The following BRINP2 variants were observed in gnomAD, a reference collection of about 807,000 sequenced individuals.
The protein encoded by BRINP2 is BMP/retinoic acid-inducible neural-specific protein 2.
BRINP2 carries 21 observed loss-of-function variants against 69.2 expected under a neutral mutation model. The observed-to-expected ratio is 0.30, with a 90% CI of 0.22 to 0.44. BRINP2 has a LOEUF of 0.44. Among genes scored for constraint, BRINP2 ranks in the 20% least tolerant of loss-of-function variants. BRINP2 has a pLI of 1.00. For synonymous variants in BRINP2, 380 were observed against 394.1 expected (o/e 0.96, Z 0.42); for missense variants, 877 against 986.0 (o/e 0.89, Z 1.48).
At chr1:177,219,162 G>T (rs1036710756) in intron 1 of BRINP2, among the ~76,000 whole-genome samples, 1 of 152,166 alleles carries the variant, frequency 6.6e-6, no homozygotes, top group African/African-American at 2.4e-5. Flanking sequence ...TTTGTGGTCA[G>T]CAATTCCAAA....
intron 2 of BRINP2, among the ~76,000 whole-genome samples, chr1:177,239,818 G>T (rs573556006): frequency 2.0e-4 from 30 of 152,288 alleles, no homozygotes; most frequent in African/African-American, 6.7e-4. Context: ...GCACAGATTA[G>T]GGCTGTTATA....
intron 1 of BRINP2, among the ~76,000 whole-genome samples, chr1:177,184,813 A>G (rs1648381460): frequency 2.6e-5 from 4 of 152,184 alleles, no homozygotes; most frequent in Admixed American, 2.6e-4. Context: ...GAAAGTTAAC[A>G]AGAATCTTTC....
intron 1 of BRINP2, among the ~76,000 whole-genome samples, chr1:177,221,275 T>G (rs183633317): frequency 6.6e-6 from 1 of 152,214 alleles, no homozygotes; most frequent in African/African-American, 2.4e-5. Context: ...TTTAGATTGA[T>G]GTTTGGTACA....
Position 177,280,872 on chromosome 1 carries a change from G to A in BRINP2, c.1696G>A (p.Val566Met), listed in dbSNP as rs150033962. The change falls in exon 8 of 8, where the codon GTG (valine) becomes ATG (methionine). Residue 566 changes from valine to methionine, a missense_variant. Transcript: ENST00000361539. ...SNKYKPGLVHVMLALSLQICL... is the reference protein window; with the variant it reads ...SNKYKPGLVHMMLALSLQICL... ...CAAGTACAAGCCTGGGCTGGTGCAC[G>A]TGATGTTGGCCTTGTCCTTGCAGAT... is the stretch of plus-strand genomic sequence containing the variant. 479 of 1,614,028 alleles carry A rather than the reference G, an allele frequency of 3.0e-4. No individual in the cohort carries two copies. Among genetic ancestry groups the A allele is most frequent in the Non-Finnish European group, 3.8e-4 (450 of 1,179,998 alleles).
Position 177,281,513 on chromosome 1 carries a change from C to A in BRINP2, c.2337C>A (p.Gly779=). ...KLPNPVEYET[G]KLCS is the part of the protein sequence containing the mutation. ...CAAACCCTGTGGAATATGAGACCGG[C>A]AAACTCTGTAGCTAATGGGCGGCCC... Residue 779 remains glycine, a synonymous_variant, in exon 8 of 8, where the codon GGC becomes GGA. Transcript: ENST00000361539. 1 of 1,604,682 alleles carries A rather than the reference C, an allele frequency of 6.2e-7. No individual in the cohort carries two copies. The highest frequency in any genetic ancestry group is 8.5e-7 in the Non-Finnish European group (1 of 1,178,124).
At chr1:177,277,194 A>G (rs1483847628) in intron 6 of BRINP2, among the ~76,000 whole-genome samples, 1 of 148,972 alleles carries the variant, frequency 6.7e-6, no homozygotes, top group African/African-American at 2.6e-5. Context: ...ATATAATACT[A>G]TAATTTATTA....
At chr1:177,180,395 G>C (rs183655381) in intron 1 of BRINP2, among the ~76,000 whole-genome samples, 30 of 152,290 alleles carry the variant, frequency 2.0e-4, no homozygotes, top group African/African-American at 6.7e-4. Context: ...TGTGTGGCTT[G>C]TATCAGCCTC....
At chr1:177,210,570 C>T (rs1468560905) in intron 1 of BRINP2, among the ~76,000 whole-genome samples, 1 of 151,968 alleles carries the variant, frequency 6.6e-6, no homozygotes, top group Non-Finnish European at 1.5e-5. Flanking sequence ...TGATAGCCAC[C>T]AGCCACATGT....
In BRINP2 at chr1:177,195,796, C is replaced by A. The variant is rs528944043; in HGVS notation, c.-77+24064C>A. 1.6e-4 allele frequency among the ~76,000 whole-genome samples: 24 copies of A among 152,032 alleles called. No homozygotes were observed. The East Asian group carries it at 3.7e-3, about 23-fold the overall frequency. ...GCCAAGTGGAGAAAAACGTGTGGGG[C>A]CCAAGTCATGGATGAATGGCAAAAA... On this transcript the variant is annotated intron_variant, in intron 1 of 7. Coordinates refer to ENST00000361539, the MANE Select transcript of BRINP2 (RefSeq NM_021165.4).
At chr1:177,226,517 C>T (rs1421635116) in intron 1 of BRINP2, among the ~76,000 whole-genome samples, 1 of 152,184 alleles carries the variant, frequency 6.6e-6, no homozygotes, top group Non-Finnish European at 1.5e-5. Context: ...GGAGAGCCTA[C>T]AGTTATCTTT....
chr1:177,196,437 G>T (rs1261723935), intron 1 of BRINP2, among the ~76,000 whole-genome samples: 1 of 152,094 alleles, frequency 6.6e-6, no homozygotes, highest in African/African-American at 2.4e-5. Flanking sequence ...GGCCAACATG[G>T]TGAAACCCCA....
chr1:177,232,590 G>A (rs765917106), intron 2 of BRINP2, among the ~76,000 whole-genome samples: 4 of 152,224 alleles, frequency 2.6e-5, no homozygotes, highest in South Asian at 2.1e-4. Context: ...TGGCTCATGC[G>A]CACTTGTAGG....
Position 177,273,606 on chromosome 1 carries a change from A to G in BRINP2, c.775+13A>G, listed in dbSNP as rs762198580. On this transcript the variant is annotated intron_variant, in intron 5 of 7. Coordinates refer to ENST00000361539, the MANE Select transcript of BRINP2 (RefSeq NM_021165.4). ...GTACAGTTACTTGGTAAGCAGCACT[A>G]TGATGGTTTTCATACCTTTCACACC... 5.3e-6 allele frequency: 8 copies of G among 1,517,156 alleles called. No individual in the cohort carries two copies. Among genetic ancestry groups the G allele is most frequent in the Non-Finnish European group, 6.3e-6 (7 of 1,118,150 alleles). 94.0% of individuals were successfully genotyped at this position (1,517,156 alleles called of 1,614,324 possible).
At chr1:177,226,445 A>T (rs2102322689) in intron 1 of BRINP2, among the ~76,000 whole-genome samples, 2 of 152,338 alleles carry the variant, frequency 1.3e-5, no homozygotes, top group Admixed American at 1.3e-4. Context: ...TCATGCAGAC[A>T]ATAACAGCTG....
chr1:177,204,514 G>C (rs1302223630), intron 1 of BRINP2, among the ~76,000 whole-genome samples: 1 of 152,090 alleles, frequency 6.6e-6, no homozygotes, highest in African/African-American at 2.4e-5. Flanking sequence ...GGCCAAGAAA[G>C]CTAAGAAAAT....
At chr1:177,261,844 A>G (rs942279811) in intron 4 of BRINP2, among the ~76,000 whole-genome samples, 1 of 152,228 alleles carries the variant, frequency 6.6e-6, no homozygotes, top group African/African-American at 2.4e-5. Flanking sequence ...CTGAGACAGA[A>G]CAGAGAGTAT....
chr1:177,194,091 T>C (rs1648670513), intron 1 of BRINP2, among the ~76,000 whole-genome samples: 1 of 152,226 alleles, frequency 6.6e-6, no homozygotes, highest in Admixed American at 6.5e-5. Flanking sequence ...ACAAAGATGC[T>C]AATATATCTA....
At chr1:177,185,567 G>A (rs1026473149) in intron 1 of BRINP2, among the ~76,000 whole-genome samples, 5 of 152,134 alleles carry the variant, frequency 3.3e-5, no homozygotes, top group East Asian at 1.9e-4. Flanking sequence ...ATAAACAAAC[G>A]TAATCATTCT....
At chr1:177,256,855 A>C (rs1212615094) in intron 3 of BRINP2, 3 of 1,179,550 alleles carry the variant, frequency 2.5e-6, no homozygotes, top group Non-Finnish European at 3.2e-6. Flanking sequence ...GACTCCTCGT[A>C]AACAACTTGA....
Sources: allele counts gnomAD v4.1 joint callset (sites outside exome capture counted in the v4.1 genomes callset), GRCh38; gene constraint gnomAD v4.1.1; transcripts MANE v1.5; gene names NCBI Gene and HGNC (gene_info 2026-07-23, HGNC 2026-07-21).